Variants in KIF6 observed in about 807,000 individuals in gnomAD.
The protein encoded by KIF6 is kinesin-like protein KIF6.
In KIF6, 106 loss-of-function variants were observed where a neutral mutation model predicts 112.7. That is an observed-to-expected ratio of 0.94 (90% CI 0.80 to 1.11). The LOEUF (loss-of-function observed/expected upper bound fraction) is 1.11. KIF6 is among the 50% of genes least tolerant of loss of function. The pLI, the probability that KIF6 is intolerant of heterozygous loss-of-function variation, is 0.00. For missense variants in KIF6, 929 were observed against 964.0 expected (o/e 0.96, Z 0.48); for synonymous variants, 339 against 339.9 (o/e 1.00, Z 0.03).
rs1766608134 is a variant in KIF6, at chr6:39,378,228, T to C, written c.1861+7394A>G. On this transcript the variant is annotated intron_variant, in intron 16 of 22. Transcript: ENST00000287152. The surrounding 1 kb of genome is among the most constrained non-coding windows in gnomAD (Gnocchi z 5.0). ...ACACACACATATAACATGTACAACA[T>C]ATCCATACCACCAACACACCACACA... Among the ~76,000 whole-genome samples, 1 of 150,800 alleles carries C rather than the reference T, an allele frequency of 6.6e-6. No individual in the cohort carries two copies. Among genetic ancestry groups the C allele is most frequent in the Admixed American group, 6.6e-5 (1 of 15,096 alleles).
intron 22 of KIF6, among the ~76,000 whole-genome samples, chr6:39,339,515 A>G (rs1240609503): frequency 6.6e-6 from 1 of 151,770 alleles, no homozygotes; most frequent in African/African-American, 2.4e-5. Context: ...GAGAGGCAGG[A>G]CCTCTTCCTA....
chr6:39,561,900 G>A (rs760313632), intron 10 of KIF6, among the ~76,000 whole-genome samples: 4 of 152,186 alleles, frequency 2.6e-5, no homozygotes, highest in Admixed American at 6.5e-5. Context: ...TTGTGTAACT[G>A]CTCAATGAAT....
rs142462927 is a variant in KIF6 at position 39,581,547 on chromosome 6, C to G, written c.1077+3351G>C. The stretch of plus-strand genomic sequence containing the variant: ...AATTTCAAACCTACATGAGGTAGAG[C>G]TAGGGTTTCAAATTTTTCAAAGTAG... On this transcript the variant is annotated intron_variant, in intron 9 of 22. Transcript: ENST00000287152. Among the ~76,000 whole-genome samples the G allele has an allele frequency of 7.2e-5, 11 of 152,162 alleles. No individual in the cohort carries two copies. The East Asian group carries it at 2.1e-3, about 29-fold the overall frequency.
intron 20 of KIF6, among the ~76,000 whole-genome samples, chr6:39,346,090 C>CTAT (rs1562112945): frequency 8.2e-5 from 3 of 36,808 alleles, no homozygotes; most frequent in African/African-American, 5.7e-4. Flanking sequence ...CTCTCTCCCC[C>CTAT]CCCTCTCCCT....
intron 13 of KIF6, among the ~76,000 whole-genome samples, chr6:39,531,114 T>C (rs1215314421): frequency 1.3e-5 from 2 of 152,220 alleles, no homozygotes; most frequent in Admixed American, 6.5e-5. Context: ...CTTAAAGTTA[T>C]TGGTAGAACT....
chr6:39,538,414 A>T (rs1343931183), intron 13 of KIF6, among the ~76,000 whole-genome samples: 1 of 152,006 alleles, frequency 6.6e-6, no homozygotes, highest in Non-Finnish European at 1.5e-5. Flanking sequence ...AAGGATATGA[A>T]CAGACACTTC....
intron 13 of KIF6, among the ~76,000 whole-genome samples, chr6:39,489,189 A>C (rs1279023846): frequency 2.0e-5 from 3 of 152,202 alleles, no homozygotes; most frequent in Admixed American, 1.3e-4. Flanking sequence ...TCTGTTTTCT[A>C]AATTGCCTTT....
At chr6:39,371,150 G>A (rs186804885) in intron 16 of KIF6, among the ~76,000 whole-genome samples, 18 of 152,246 alleles carry the variant, frequency 1.2e-4, no homozygotes, top group African/African-American at 3.1e-4. Context: ...AAATGTACAC[G>A]ATCAGCCCTT....
intron 22 of KIF6, among the ~76,000 whole-genome samples, chr6:39,338,304 A>G (rs1763140034): frequency 6.6e-6 from 1 of 152,200 alleles, no homozygotes; most frequent in African/African-American, 2.4e-5. Context: ...GGTTGGCTTG[A>G]TATTGCTGTG....
intron 13 of KIF6, among the ~76,000 whole-genome samples, chr6:39,435,385 T>G (rs1030488703): frequency 2.0e-5 from 3 of 152,224 alleles, no homozygotes; most frequent in African/African-American, 7.2e-5. Flanking sequence ...TAAAAAAATT[T>G]TTTTATTTCA....
intron 15 of KIF6, among the ~76,000 whole-genome samples, chr6:39,394,223 G>T (rs116804057): frequency 0.018 from 2,749 of 152,218 alleles, 36 homozygotes; most frequent in Non-Finnish European, 0.028. Flanking sequence ...TAATAAAGGC[G>T]CATGATTTAC....
intron 10 of KIF6, among the ~76,000 whole-genome samples, chr6:39,575,391 C>T (rs1396446860): frequency 6.6e-6 from 1 of 152,040 alleles, no homozygotes; most frequent in Non-Finnish European, 1.5e-5. Flanking sequence ...CTGTCTCAGC[C>T]TCCCGAGTAG....
intron 18 of KIF6, among the ~76,000 whole-genome samples, chr6:39,358,773 C>T (rs1481532301): frequency 6.6e-6 from 1 of 152,206 alleles, no homozygotes; most frequent in Non-Finnish European, 1.5e-5. Flanking sequence ...GTGATAAATG[C>T]AGACAAGAAA....
At chr6:39,665,043 G>T (rs1561910406) in intron 3 of KIF6, among the ~76,000 whole-genome samples, 1 of 152,106 alleles carries the variant, frequency 6.6e-6, no homozygotes, top group Non-Finnish European at 1.5e-5. Flanking sequence ...ATGAGCATAT[G>T]AGCTGTATTC....
chr6:39,390,048 A>AAAAAAAAAAAAAAAAAAAG lies in KIF6; in HGVS notation c.1811-4377_1811-4376insCTTTTTTTTTTTTTTTTTT, dbSNP rs1258761315. Among the ~76,000 whole-genome samples, 136 of 137,252 alleles carry AAAAAAAAAAAAAAAAAAAG rather than the reference A, an allele frequency of 9.9e-4. 4 individuals are homozygous for AAAAAAAAAAAAAAAAAAAG. The highest frequency in any genetic ancestry group is 3.6e-3 in the African/African-American group (116 of 32,346). 90.0% of individuals were successfully genotyped at this position (137,252 alleles called of 152,430 possible). A position where few individuals can be genotyped will look rare whatever the true frequency, so the allele number is the denominator to read the frequency against. On this transcript the variant is annotated intron_variant, in intron 15 of 22. Transcript: ENST00000287152. Reference sequence around the variant, plus strand: ...TCTGTCTCCAAAAAAAAAAAAAAAAAAAAAGGAAATAATTACAAATCTGGA... The same window carrying AAAAAAAAAAAAAAAAAAAG: ...TCTGTCTCCAAAAAAAAAAAAAAAAAAAAAAAAAAAAAAAAAAAGAAAAGGAAATAATTACAAATCTGGA...
intron 10 of KIF6, among the ~76,000 whole-genome samples, chr6:39,564,146 G>A (rs188081905): frequency 1.3e-5 from 2 of 152,344 alleles, no homozygotes; most frequent in Admixed American, 1.3e-4. Flanking sequence ...ACACTGATGA[G>A]CAAAGCAGCT....
intron 10 of KIF6, chr6:39,554,793 C>G (rs1779596932): frequency 6.2e-6 from 1 of 161,612 alleles, no homozygotes; most frequent in East Asian, 1.7e-4. Flanking sequence ...GAGCTCAGAG[C>G]TGCTGGAGGC....
intron 13 of KIF6, among the ~76,000 whole-genome samples, chr6:39,516,336 T>A (rs888320662): frequency 6.7e-6 from 1 of 149,878 alleles, no homozygotes; most frequent in African/African-American, 2.4e-5. Context: ...ATTATATATG[T>A]TAGATATATA....
chr6:39,346,116 CCTCTCCCT>C (rs1763754247), intron 20 of KIF6, among the ~76,000 whole-genome samples: 1 of 17,844 alleles, frequency 5.6e-5, no homozygotes, highest in African/African-American at 3.7e-4. Context: ...CCTCCCTCTC[CCTCTCCCT>C]CCCTCTCCCT....
Sources: allele counts gnomAD v4.1 joint callset (sites outside exome capture counted in the v4.1 genomes callset), GRCh38; gene constraint gnomAD v4.1.1; non-coding constraint Gnocchi (gnomAD v3.1); transcripts MANE v1.5; gene names NCBI Gene and HGNC (gene_info 2026-07-23, HGNC 2026-07-21).